Variants in FGF9 observed in about 807,000 individuals in gnomAD.
FGF9 encodes the protein fibroblast growth factor 9, also known as fibroblast growth factor 9 (glia-activating factor).
In FGF9, 3 loss-of-function variants were observed where a neutral mutation model predicts 19.9. That is an observed-to-expected ratio of 0.15 (90% CI 0.07 to 0.39). The LOEUF (loss-of-function observed/expected upper bound fraction) is 0.39, where lower values mean the gene tolerates loss of function less well. Ranked by LOEUF, FGF9 falls within the 10% of genes least tolerant of loss-of-function variation. The probability of loss-of-function intolerance (pLI) is 1.00; values close to 1 mark genes in which losing one functional copy is unlikely to be tolerated. For missense variants in FGF9, 175 were observed against 256.8 expected (o/e 0.68, Z 2.18); for synonymous variants, 107 against 106.9 (o/e 1.00, Z -0.01).
chr13:21,696,976 G>A (rs770415455), intron 2 of FGF9, among the ~76,000 whole-genome samples: 10 of 152,148 alleles, frequency 6.6e-5, no homozygotes, highest in Non-Finnish European at 1.5e-4. Context: ...AAACTGATCT[G>A]TGTGGCATAA....
At chr13:21,679,546 C>A (rs1021228750) in intron 1 of FGF9, among the ~76,000 whole-genome samples, 4 of 151,866 alleles carry the variant, frequency 2.6e-5, no homozygotes, top group Admixed American at 6.6e-5. Flanking sequence ...ATTTTTAAAA[C>A]AAGAACTCAA....
intron 1 of FGF9, among the ~76,000 whole-genome samples, chr13:21,678,552 A>AT (rs199616520): frequency 1.5e-4 from 23 of 151,146 alleles, no homozygotes; most frequent in African/African-American, 5.1e-4. Flanking sequence ...TGCTGCTGTT[A>AT]TTTTTTTTTC....
At chr13:21,679,121 T>G (rs1308015011) in intron 1 of FGF9, among the ~76,000 whole-genome samples, 1 of 152,254 alleles carries the variant, frequency 6.6e-6, no homozygotes, top group Non-Finnish European at 1.5e-5. Context: ...TTCTTTTGCA[T>G]GTATTCTCCA....
intron 2 of FGF9, among the ~76,000 whole-genome samples, chr13:21,684,251 C>A (rs1872106962): frequency 6.6e-6 from 1 of 152,074 alleles, no homozygotes; most frequent in South Asian, 2.1e-4. Context: ...CCCATTATTA[C>A]ATAAGTCACA....
chr13:21,694,715 G>A lies in FGF9; in HGVS notation c.382-6475G>A, dbSNP rs182981174. Among the ~76,000 whole-genome samples, 242 of 152,110 alleles carry A rather than the reference G, an allele frequency of 1.6e-3. 1 individual carries two copies. Among genetic ancestry groups the A allele is most frequent in the Middle Eastern group, 3.4e-3 (1 of 294 alleles). On this transcript the variant is annotated intron_variant, in intron 2 of 2. Transcript: ENST00000382353. Reference sequence around the variant, plus strand: ...TTTTTTCAACTTGATGTTGTAAGATGTTAAATTTGATGAATTTTTCCTGTA... The same window carrying A: ...TTTTTTCAACTTGATGTTGTAAGATATTAAATTTGATGAATTTTTCCTGTA...
intron 1 of FGF9, among the ~76,000 whole-genome samples, chr13:21,673,357 G>T (rs1197762054): frequency 6.6e-6 from 1 of 152,150 alleles, no homozygotes; most frequent in Non-Finnish European, 1.5e-5. Flanking sequence ...GATGCCAGAA[G>T]GTGAGGAGGA....
intron 2 of FGF9, among the ~76,000 whole-genome samples, chr13:21,696,494 C>A (rs1165818602): frequency 1.4e-4 from 21 of 151,980 alleles, no homozygotes; most frequent in Admixed American, 1.4e-3. Flanking sequence ...CACAATAAAA[C>A]AAGAATTGAT....
chr13:21,692,182 C>T (rs1872307325), intron 2 of FGF9, among the ~76,000 whole-genome samples: 1 of 152,214 alleles, frequency 6.6e-6, no homozygotes, highest in Non-Finnish European at 1.5e-5. Flanking sequence ...TGCCATGTTG[C>T]ATTGTGTGTT....
rs1003117329 is a variant in FGF9, at chr13:21,691,155, C to T, written c.381+10010C>T. Among the ~76,000 whole-genome samples, 5 of 152,224 alleles carry T rather than the reference C, an allele frequency of 3.3e-5. No homozygotes were observed. Among genetic ancestry groups the T allele is most frequent in the Non-Finnish European group, 2.9e-5 (2 of 68,038 alleles). ...CTTAACTACCTCAAATAAGGAGAAT[C>T]AGCTGTACCTACAAATGCAAATGTA... On this transcript the variant is annotated intron_variant, in intron 2 of 2. Transcript: ENST00000382353. The surrounding 1 kb of genome is among the most constrained non-coding windows in gnomAD (Gnocchi z 4.2).
At chr13:21,690,345 ACTG>A (rs1872257690) in intron 2 of FGF9, among the ~76,000 whole-genome samples, 1 of 151,998 alleles carries the variant, frequency 6.6e-6, no homozygotes, top group Non-Finnish European at 1.5e-5. Context: ...ACTCACACAC[ACTG>A]ACTTGCTCAC....
chr13:21,684,281 C>G (rs1280210336), intron 2 of FGF9, among the ~76,000 whole-genome samples: 1 of 151,814 alleles, frequency 6.6e-6, no homozygotes, highest in Non-Finnish European at 1.5e-5. Context: ...ACAGTGTGGT[C>G]AATTGTATTT....
chr13:21,684,182 C>A (rs145529747), intron 2 of FGF9, among the ~76,000 whole-genome samples: 109 of 152,308 alleles, frequency 7.2e-4, no homozygotes, highest in Middle Eastern at 3.4e-3. Flanking sequence ...CAGTTCTAAT[C>A]CTATTTATTC....
chr13:21,691,851 C>T lies in FGF9; in HGVS notation c.382-9339C>T, dbSNP rs368600675. Among the ~76,000 whole-genome samples, 15 of 152,206 alleles carry T rather than the reference C, an allele frequency of 9.9e-5. No individual in the cohort carries two copies. The highest frequency in any genetic ancestry group is 4.1e-4 in the South Asian group (2 of 4,832). ...AAAATGTCTGCATCCCTGACACCCC[C>T]GTTGCAGAGGGCTTCCCCCGAGGAC... On this transcript the variant is annotated intron_variant, in intron 2 of 2. Transcript: ENST00000382353. The surrounding 1 kb of genome is among the most constrained non-coding windows in gnomAD (Gnocchi z 4.2).
At chr13:21,681,844 T>A (rs984965039) in intron 2 of FGF9, among the ~76,000 whole-genome samples, 4 of 152,164 alleles carry the variant, frequency 2.6e-5, no homozygotes, top group African/African-American at 9.7e-5. Flanking sequence ...ATCACTTTAC[T>A]CCTATTAATG....
intron 1 of FGF9, among the ~76,000 whole-genome samples, chr13:21,678,066 A>G (rs923493262): frequency 3.3e-5 from 5 of 152,182 alleles, no homozygotes; most frequent in Admixed American, 6.5e-5. Context: ...ATTTGAGGGT[A>G]ATAGGACCTA....
chr13:21,675,629 G>C (rs1871897450), intron 1 of FGF9, among the ~76,000 whole-genome samples: 1 of 152,200 alleles, frequency 6.6e-6, no homozygotes, highest in Non-Finnish European at 1.5e-5. Context: ...TCCCCTCTGG[G>C]GAGTTCGTCC....
chr13:21,699,766 G>A lies in FGF9; in HGVS notation c.382-1424G>A, dbSNP rs559403523. 2.0e-5 allele frequency among the ~76,000 whole-genome samples: 3 copies of A among 152,282 alleles called. No individual in the cohort carries two copies. The East Asian group carries it at 5.8e-4, about 29-fold the overall frequency. ...TCCCCTGGGTCTGAATGACAGAAAC[G>A]AATGTCCTTATCTGTATTTGCTTGT... On this transcript the variant is annotated intron_variant, in intron 2 of 2. Transcript: ENST00000382353.
rs1021727217 is a variant in FGF9, at chr13:21,703,558, A to G, written c.*2123A>G. 5.9e-5 allele frequency: 9 copies of G among 152,204 alleles called. No individual in the cohort carries two copies. The highest frequency in any genetic ancestry group is 8.8e-5 in the Non-Finnish European group (6 of 68,036). The allele number at this position is 152,204 out of a possible 1,614,324, so 9.4% of individuals were successfully genotyped here. ...GAAACTGCATTTAATTCCAAAAAGTAGTATTCTTATTTATTATTTAACCCT... is the reference window on the plus strand; with the variant it reads ...GAAACTGCATTTAATTCCAAAAAGTGGTATTCTTATTTATTATTTAACCCT... On this transcript the variant is annotated 3_prime_UTR_variant, in exon 3 of 3. Coordinates refer to ENST00000382353, the MANE Select transcript of FGF9 (RefSeq NM_002010.3).
At chr13:21,699,092 C>A (rs1046942426) in intron 2 of FGF9, among the ~76,000 whole-genome samples, 1 of 152,214 alleles carries the variant, frequency 6.6e-6, no homozygotes, top group Non-Finnish European at 1.5e-5. Context: ...ACATTCAGCC[C>A]AATCTCCCCA....
Sources: allele counts gnomAD v4.1 joint callset (sites outside exome capture counted in the v4.1 genomes callset), GRCh38; gene constraint gnomAD v4.1.1; non-coding constraint Gnocchi (gnomAD v3.1); transcripts MANE v1.5; gene names NCBI Gene and HGNC (gene_info 2026-07-23, HGNC 2026-07-21).